SLC6A17: variants seen among roughly 807,000 people sequenced by gnomAD.
SLC6A17 encodes solute carrier family 6 member 17.
Under a neutral mutation model 64.5 loss-of-function variants are expected in SLC6A17, and 21 were observed. That is an observed-to-expected ratio of 0.33 (90% CI 0.23 to 0.47). SLC6A17 has a LOEUF of 0.47. Ranked by LOEUF, SLC6A17 falls within the 20% of genes least tolerant of loss-of-function variation. The probability of loss-of-function intolerance (pLI) is 1.00; values close to 1 mark genes in which losing one functional copy is unlikely to be tolerated. For missense variants in SLC6A17, 682 were observed against 963.2 expected (o/e 0.71, Z 3.86); for synonymous variants, 372 against 399.5 (o/e 0.93, Z 0.82).
intron 1 of SLC6A17, among the ~76,000 whole-genome samples, chr1:110,157,521 C>T (rs753618876): frequency 2.6e-5 from 4 of 151,824 alleles, no homozygotes; most frequent in Admixed American, 1.3e-4. Flanking sequence ...TGCAGTGAGC[C>T]GAGATTGCGC....
At chr1:110,172,273 A>G (rs1430805197) in intron 3 of SLC6A17, 56 bp downstream of exon 3, 30 of 1,522,382 alleles carry the variant, frequency 2.0e-5, no homozygotes, top group South Asian at 2.5e-5. Context: ...GCTCCTGGGC[A>G]TTGGAGACGA....
At chr1:110,194,463 A>C (rs1656908058) in intron 8 of SLC6A17, 116 bp from the exon 9 acceptor site, 7 of 1,099,772 alleles carry the variant, frequency 6.4e-6, no homozygotes, top group Non-Finnish European at 7.7e-6. Flanking sequence ...TGGAGGTGGG[A>C]ACCCCTGTGA....
At chr1:110,167,700 G>A (rs901748912) in intron 2 of SLC6A17, among the ~76,000 whole-genome samples, 1 of 152,156 alleles carries the variant, frequency 6.6e-6, no homozygotes, top group Admixed American at 6.5e-5. Context: ...GCCTGAAACT[G>A]CTGATATTTG....
In SLC6A17 at chr1:110,192,616, A is replaced by G. The variant is rs771813263; in HGVS notation, c.1217A>G (p.Tyr406Cys). The change falls in exon 8 of 12, where the codon TAC becomes TGC. Residue 406 changes from tyrosine (Y) to cysteine (C), a missense_variant. By Grantham distance (194) the Tyr-to-Cys change is radical. Transcript: ENST00000331565. This position sits in a 1 kb window ranked among gnomAD's most constrained non-coding sequence, Gnocchi z 4.3. Reference protein sequence around the residue: ...HLTTKDYMEMYNVIMTVKEDQ... With the variant: ...HLTTKDYMEMCNVIMTVKEDQ... ...ACCACAAAGGACTACATGGAGATGT[A>G]CAATGTCATCATGACCGTGAAGGAG... 1 of 1,614,178 alleles carries G rather than the reference A, an allele frequency of 6.2e-7. No individual in the cohort carries two copies. Among genetic ancestry groups the G allele is most frequent in the South Asian group, 1.1e-5 (1 of 91,084 alleles).
intron 1 of SLC6A17, among the ~76,000 whole-genome samples, chr1:110,153,554 T>TGTGTGTG (rs1553203115): frequency 6.6e-6 from 1 of 151,342 alleles, no homozygotes; most frequent in South Asian, 2.1e-4. Context: ...TGTGTGTGCA[T>TGTGTGTG]TGCATTCACC....
intron 5 of SLC6A17, 114 bp downstream of exon 5, chr1:110,175,074 C>T (rs1656339362): frequency 7.7e-7 from 1 of 1,299,916 alleles, no homozygotes; most frequent in Non-Finnish European, 1.0e-6. Context: ...GTGGATAACA[C>T]AGGCCCCCAG....
intron 1 of SLC6A17, among the ~76,000 whole-genome samples, chr1:110,163,381 A>G (rs764802365): frequency 3.9e-5 from 6 of 152,108 alleles, no homozygotes; most frequent in Non-Finnish European, 7.4e-5. Flanking sequence ...ACCAAATATC[A>G]ATATGGGGAC....
At chr1:110,185,967 G>A (rs976566147) in intron 6 of SLC6A17, among the ~76,000 whole-genome samples, 1 of 152,158 alleles carries the variant, frequency 6.6e-6, no homozygotes, top group African/African-American at 2.4e-5. Context: ...CAAAGGTCAA[G>A]TTCACCCTCA....
At chr1:110,182,521 A>G (rs1656558477) in intron 6 of SLC6A17, among the ~76,000 whole-genome samples, 1 of 152,012 alleles carries the variant, frequency 6.6e-6, no homozygotes. Flanking sequence ...GAGAATGAAC[A>G]AAGACAGAGA....
intron 1 of SLC6A17, among the ~76,000 whole-genome samples, chr1:110,152,726 G>A (rs970075479): frequency 6.6e-6 from 1 of 152,102 alleles, no homozygotes; most frequent in African/African-American, 2.4e-5. Flanking sequence ...AATTCACCTC[G>A]GGAGTCTCAG....
At position 110,174,936 on chromosome 1, in the gene SLC6A17, T is replaced by G; in HGVS notation, c.729T>G (p.Val243=). 1 of 1,614,032 alleles carries G rather than the reference T, an allele frequency of 6.2e-7. No individual in the cohort carries two copies. Among genetic ancestry groups the G allele is most frequent in the Non-Finnish European group, 8.5e-7 (1 of 1,179,944 alleles). ...VAWSIVGMAV[V]KGIQSSGKVM... Reference sequence around the variant, plus strand: ...GGAGCATCGTGGGGATGGCTGTCGTTAAGGGCATCCAGTCCTCGGGGAAGG... The same window carrying G: ...GGAGCATCGTGGGGATGGCTGTCGTGAAGGGCATCCAGTCCTCGGGGAAGG... Residue 243 remains valine (V), a synonymous_variant, in exon 5 of 12, where the codon GTT becomes GTG. Transcript: ENST00000331565.
intron 6 of SLC6A17, among the ~76,000 whole-genome samples, 183 bp downstream of exon 6, chr1:110,176,922 G>A (rs1039399414): frequency 2.0e-5 from 3 of 152,234 alleles, no homozygotes; most frequent in Non-Finnish European, 4.4e-5. Flanking sequence ...GTTCCAAGGA[G>A]AGGCGTGTCA....
intron 6 of SLC6A17, among the ~76,000 whole-genome samples, chr1:110,182,575 G>A (rs1344025545): frequency 1.3e-5 from 2 of 151,846 alleles, no homozygotes; most frequent in African/African-American, 2.4e-5. Flanking sequence ...GGCTGAGGGC[G>A]GGATAGCTGT....
intron 4 of SLC6A17, 103 bp downstream of exon 4, chr1:110,174,202 T>A: frequency 6.8e-7 from 1 of 1,476,230 alleles, no homozygotes; most frequent in Non-Finnish European, 9.0e-7. Context: ...TTGTGTCCCC[T>A]TGGATAAGTC....
intron 2 of SLC6A17, among the ~76,000 whole-genome samples, chr1:110,170,723 T>C (rs146537389): frequency 2.9e-4 from 44 of 152,270 alleles, no homozygotes; most frequent in African/African-American, 1.0e-3. Context: ...ATCTAGTGAG[T>C]TAGATGCTGT....
intron 1 of SLC6A17, chr1:110,166,154 G>GCA (rs573123740): frequency 6.6e-6 from 1 of 152,226 alleles, no homozygotes; most frequent in Non-Finnish European, 1.5e-5. Flanking sequence ...AGATTCATTG[G>GCA]CACTGAGCAA....
chr1:110,155,106 A>G lies in SLC6A17; in HGVS notation c.-88+4223A>G, dbSNP rs1195015100. ...TGTCCTAGCCTGCCCATCATCTCCA[A>G]ACCACCTGAGATCTCAGTGGGGAAG... is the stretch of plus-strand genomic sequence containing the variant. On this transcript the variant is annotated intron_variant, in intron 1 of 11. Transcript: ENST00000331565. Among the ~76,000 whole-genome samples the G allele has an allele frequency of 2.0e-5, 3 of 152,080 alleles. No homozygotes were observed. In the East Asian group the frequency reaches 5.8e-4, roughly 29 times the overall value.
rs780828064 is a variant in SLC6A17, at chr1:110,176,736, C to T, written c.861C>T (p.Pro287=). 5.6e-6 allele frequency: 9 copies of T among 1,612,808 alleles called. No homozygotes were observed. Among genetic ancestry groups the T allele is most frequent in the Non-Finnish European group, 4.2e-6 (5 of 1,179,264 alleles). ...AVDGILHMFT[P]KLDKMLDPQV... is the part of the protein sequence containing the mutation. Reference sequence around the variant, plus strand: ...ATGGCATCCTACACATGTTCACTCCCAAGGTAAGGGTTTGGGGCTCCCACA... The same window carrying T: ...ATGGCATCCTACACATGTTCACTCCTAAGGTAAGGGTTTGGGGCTCCCACA... The change falls in exon 6 of 12, where the codon CCC becomes CCT. Residue 287 remains proline (P), a synonymous_variant. Coordinates refer to ENST00000331565, the MANE Select transcript of SLC6A17 (RefSeq NM_001010898.4).
intron 6 of SLC6A17, among the ~76,000 whole-genome samples, chr1:110,183,312 A>T (rs1656581436): frequency 6.6e-6 from 1 of 152,264 alleles, no homozygotes; most frequent in Admixed American, 6.5e-5. Flanking sequence ...GCAGTGATAC[A>T]CATTGCAACA....
Sources: allele counts gnomAD v4.1 joint callset (sites outside exome capture counted in the v4.1 genomes callset), GRCh38; gene constraint gnomAD v4.1.1; non-coding constraint Gnocchi (gnomAD v3.1); transcripts MANE v1.5; gene names NCBI Gene and HGNC (gene_info 2026-07-23, HGNC 2026-07-21).